The following AKAP13 variants were observed in gnomAD, a reference collection of about 807,000 sequenced individuals.
AKAP13 encodes A-kinase anchor protein 13.
In AKAP13, 80 loss-of-function variants were observed where a neutral mutation model predicts 264.5. The observed-to-expected ratio is 0.30, with a 90% confidence interval of 0.25 to 0.36. The LOEUF (loss-of-function observed/expected upper bound fraction) is 0.36, where lower values mean the gene tolerates loss of function less well. AKAP13 is among the 10% of genes least tolerant of loss of function. AKAP13 has a pLI of 1.00. For synonymous variants in AKAP13, 1,380 were observed against 1,250.2 expected (o/e 1.10, Z -2.19); for missense variants, 3,712 against 3,435.2 (o/e 1.08, Z -2.01).
At chr15:85,555,716 C>T (rs147181357) in intron 5 of AKAP13, among the ~76,000 whole-genome samples, 1 of 152,140 alleles carries the variant, frequency 6.6e-6, no homozygotes, top group Non-Finnish European at 1.5e-5. Context: ...GCATGCTAGG[C>T]AAGGTAAGAA....
chr15:85,642,123 A>G (rs1382580103), intron 9 of AKAP13, among the ~76,000 whole-genome samples: 1 of 152,222 alleles, frequency 6.6e-6, no homozygotes, highest in African/African-American at 2.4e-5. Context: ...TTACTGAATC[A>G]TACATTAAAG....
At chr15:85,547,328 G>A (rs568949784) in intron 5 of AKAP13, among the ~76,000 whole-genome samples, 1 of 151,640 alleles carries the variant, frequency 6.6e-6, no homozygotes, top group East Asian at 1.9e-4. Context: ...TAAGTGGGGT[G>A]TGGGGAGCCT....
chr15:85,456,360 C>T (rs776730661), intron 1 of AKAP13, among the ~76,000 whole-genome samples: 1 of 152,160 alleles, frequency 6.6e-6, no homozygotes, highest in Non-Finnish European at 1.5e-5. Flanking sequence ...ATCCTGACTT[C>T]TTCTTCTTAA....
intron 8 of AKAP13, chr15:85,619,923 A>G (rs2081100206): frequency 1.4e-6 from 2 of 1,435,118 alleles, no homozygotes; most frequent in Admixed American, 2.8e-5. Context: ...TTTCTTTTTA[A>G]TTCATTGTTT....
At chr15:85,494,820 G>T (rs1596332906) in intron 2 of AKAP13, among the ~76,000 whole-genome samples, 1 of 152,072 alleles carries the variant, frequency 6.6e-6, no homozygotes, top group Non-Finnish European at 1.5e-5. Flanking sequence ...AAGTACATGC[G>T]CAGAGAAGTT....
chr15:85,433,091 T>C (rs2073097420), intron 1 of AKAP13, among the ~76,000 whole-genome samples: 1 of 151,310 alleles, frequency 6.6e-6, no homozygotes, highest in Non-Finnish European at 1.5e-5. Context: ...TTTTCCCCCC[T>C]TTAACACTGT....
At chr15:85,465,802 G>T (rs1254038192) in intron 1 of AKAP13, among the ~76,000 whole-genome samples, 1 of 150,122 alleles carries the variant, frequency 6.7e-6, no homozygotes, top group South Asian at 2.1e-4. Flanking sequence ...GAATAGTGCC[G>T]CAATAAACAT....
At position 85,682,151 on chromosome 15, in the gene AKAP13, T is replaced by G. The variant is rs1241991780; in HGVS notation, c.5102-7T>G. ...GGTTCTAACTTTTTTTCTGCCTTGT[T>G]TTCTAGATTCACGGCCCTTCCACAG... is the stretch of plus-strand genomic sequence containing the variant. On this transcript the variant is annotated splice_region_variant and splice_polypyrimidine_tract_variant and intron_variant, in intron 14 of 36. Coordinates refer to ENST00000394518, the MANE Select transcript of AKAP13 (RefSeq NM_007200.5). 2 of 1,613,322 alleles carry G rather than the reference T, an allele frequency of 1.2e-6. No individual in the cohort carries two copies. Among genetic ancestry groups the G allele is most frequent in the South Asian group, 1.1e-5 (1 of 91,062 alleles).
intron 1 of AKAP13, among the ~76,000 whole-genome samples, chr15:85,417,746 G>A (rs774356787): frequency 1.0e-3 from 159 of 152,244 alleles, no homozygotes; most frequent in Non-Finnish European, 2.0e-3. Context: ...TGAAGAAGGC[G>A]ACATTATTCT....
chr15:85,726,298 G>T (rs926271080), intron 26 of AKAP13, 112 bp from the exon 27 acceptor site: 17 of 751,778 alleles, frequency 2.3e-5, no homozygotes, highest in African/African-American at 1.1e-4. Context: ...TAGTTTGCCC[G>T]TATAGGGGTG....
At chr15:85,630,962 T>G (rs1011393871) in intron 8 of AKAP13, among the ~76,000 whole-genome samples, 1 of 151,826 alleles carries the variant, frequency 6.6e-6, no homozygotes, top group African/African-American at 2.4e-5. Context: ...ACAAAAACTC[T>G]GAATGTTCAT....
At chr15:85,646,987 C>T (rs2082588374) in intron 10 of AKAP13, among the ~76,000 whole-genome samples, 1 of 152,222 alleles carries the variant, frequency 6.6e-6, no homozygotes, top group Admixed American at 6.5e-5. Context: ...GGCGGAAACA[C>T]TGTTGCATCT....
intron 10 of AKAP13, among the ~76,000 whole-genome samples, chr15:85,653,466 A>G (rs2082956261): frequency 1.3e-5 from 2 of 152,294 alleles, no homozygotes; most frequent in South Asian, 2.1e-4. Flanking sequence ...AGGAAACTGG[A>G]TTCCACGGAA....
intron 2 of AKAP13, among the ~76,000 whole-genome samples, chr15:85,520,306 C>A (rs551256103): frequency 6.6e-6 from 1 of 151,980 alleles, no homozygotes; most frequent in East Asian, 1.9e-4. Context: ...ACCAACCTGG[C>A]CAACACGGCG....
chr15:85,728,621 C>T (rs1158763910), intron 29 of AKAP13, among the ~76,000 whole-genome samples: 1 of 152,162 alleles, frequency 6.6e-6, no homozygotes, highest in Non-Finnish European at 1.5e-5. Flanking sequence ...GGGATCTGCT[C>T]ATCCTGCCTC....
intron 1 of AKAP13, among the ~76,000 whole-genome samples, chr15:85,439,226 T>C (rs1223503788): frequency 2.9e-4 from 43 of 149,440 alleles, no homozygotes; most frequent in Non-Finnish European, 4.9e-4. Flanking sequence ...AAAATGCTCA[T>C]CATCACTGGC....
chr15:85,559,076 A>T (rs1261777589), intron 5 of AKAP13, among the ~76,000 whole-genome samples: 1 of 152,018 alleles, frequency 6.6e-6, no homozygotes, highest in Non-Finnish European at 1.5e-5. Context: ...TTTGTAAGCA[A>T]TTCTCTTTTT....
chr15:85,629,523 C>G (rs1205761163), intron 8 of AKAP13, among the ~76,000 whole-genome samples: 3 of 152,038 alleles, frequency 2.0e-5, no homozygotes, highest in Admixed American at 2.0e-4. Context: ...TTGGGGAGAT[C>G]CGTTAAATAG....
chr15:85,473,178 A>T (rs547957526), intron 1 of AKAP13, among the ~76,000 whole-genome samples: 1 of 152,294 alleles, frequency 6.6e-6, no homozygotes, highest in African/African-American at 2.4e-5. Context: ...GGGAAAAAAG[A>T]CTGAAGATTT....
Sources: gnomAD v4.1 joint callset for allele counts (sites outside exome capture counted in the v4.1 genomes callset) on GRCh38, gnomAD v4.1.1 for gene constraint, MANE v1.5 for transcripts, NCBI Gene and HGNC (gene_info 2026-07-23, HGNC 2026-07-21) for gene names.